XPR1: variants seen among roughly 807,000 people sequenced by gnomAD.
XPR1 encodes solute carrier family 53 member 1.
Under a neutral mutation model 87.5 loss-of-function variants are expected in XPR1, and 28 were observed. That is an observed-to-expected ratio of 0.32 (90% CI 0.24 to 0.44). The LOEUF (loss-of-function observed/expected upper bound fraction) is 0.44. Among genes scored for constraint, XPR1 ranks in the 20% least tolerant of loss-of-function variants. XPR1 has a pLI of 1.00. For synonymous variants in XPR1, 300 were observed against 306.1 expected (o/e 0.98, Z 0.21); for missense variants, 559 against 862.3 (o/e 0.65, Z 4.41).
At chr1:180,763,908 C>T (rs984065186) in intron 2 of XPR1, among the ~76,000 whole-genome samples, 7 of 152,184 alleles carry the variant, frequency 4.6e-5, no homozygotes, top group Non-Finnish European at 1.0e-4. Flanking sequence ...CACAATAACC[C>T]TTTAATCAAA....
intron 6 of XPR1, 90 bp from the exon 7 acceptor site, chr1:180,811,317 T>C: frequency 9.5e-7 from 1 of 1,049,362 alleles, no homozygotes; most frequent in Non-Finnish European, 1.4e-6. Flanking sequence ...ATGGTAGAAC[T>C]TTGAGACTCA....
intron 1 of XPR1, among the ~76,000 whole-genome samples, chr1:180,638,004 A>C (rs1654843823): frequency 6.6e-6 from 1 of 152,196 alleles, no homozygotes; most frequent in African/African-American, 2.4e-5. Context: ...ATGAATCCTG[A>C]ACTTTGAACT....
chr1:180,824,492 A>T (rs1164413963), intron 7 of XPR1, among the ~76,000 whole-genome samples: 3 of 152,106 alleles, frequency 2.0e-5, no homozygotes, highest in African/African-American at 7.2e-5. Flanking sequence ...GAGGCAGGAG[A>T]ATCGCTTGAA....
intron 2 of XPR1, among the ~76,000 whole-genome samples, chr1:180,710,907 G>A (rs1465704070): frequency 1.9e-4 from 29 of 151,684 alleles, no homozygotes; most frequent in Admixed American, 1.4e-3. Flanking sequence ...GGCGGCTGCC[G>A]GGCGGAGACG....
intron 4 of XPR1, 45 bp from the exon 5 acceptor site, chr1:180,806,017 G>C: frequency 6.3e-7 from 1 of 1,586,606 alleles, no homozygotes; most frequent in Non-Finnish European, 8.6e-7. Flanking sequence ...CATCATTTTT[G>C]ATGGTAGTAG....
chr1:180,659,135 C>T (rs1271460683), intron 1 of XPR1, among the ~76,000 whole-genome samples: 6 of 126,974 alleles, frequency 4.7e-5, no homozygotes, highest in African/African-American at 1.8e-4. Context: ...TCCCTCCCTC[C>T]CTCCTTTCCT....
chr1:180,858,603 C>CT (rs1340830321), intron 11 of XPR1, among the ~76,000 whole-genome samples: 1 of 152,162 alleles, frequency 6.6e-6, no homozygotes, highest in Admixed American at 6.5e-5. Flanking sequence ...CTATGAGTTC[C>CT]TTTTTTGTCT....
rs1308998510 is a variant in XPR1 at position 180,735,675 on chromosome 1, T to G, written c.122-52078T>G. Among the ~76,000 whole-genome samples, 8 of 152,342 alleles carry G rather than the reference T, an allele frequency of 5.3e-5. No individual in the cohort carries two copies. In the East Asian group the frequency reaches 1.5e-3, roughly 29 times the overall value. On this transcript the variant is annotated intron_variant, in intron 2 of 14. Coordinates refer to ENST00000367590, the MANE Select transcript of XPR1 (RefSeq NM_004736.4). Reference sequence around the variant, plus strand: ...AATGCTTTTAACAAATCGGAAGCACTACAGTTTGTAAAACAGACTTCTAAA... The same window carrying G: ...AATGCTTTTAACAAATCGGAAGCACGACAGTTTGTAAAACAGACTTCTAAA...
chr1:180,836,259 G>A (rs1651287453), intron 10 of XPR1, among the ~76,000 whole-genome samples: 1 of 151,994 alleles, frequency 6.6e-6, no homozygotes, highest in Non-Finnish European at 1.5e-5. Context: ...TCAAAAGGCT[G>A]AGATGAGAGA....
chr1:180,836,468 G>A (rs1374521193), intron 10 of XPR1, 54 bp from the exon 11 acceptor site: 2 of 1,602,566 alleles, frequency 1.2e-6, no homozygotes, highest in South Asian at 1.1e-5. Flanking sequence ...GCTAAATGAT[G>A]TGAACAAGTT....
chr1:180,805,924 G>A, intron 4 of XPR1, 138 bp from the exon 5 acceptor site: 1 of 847,758 alleles, frequency 1.2e-6, no homozygotes, highest in Non-Finnish European at 1.8e-6. Context: ...AGTAGTAGAT[G>A]CTTTTATGAA....
In XPR1 at chr1:180,776,108, T is replaced by C. The variant is rs571600500; in HGVS notation, c.122-11645T>C. Among the ~76,000 whole-genome samples the C allele has an allele frequency of 4.4e-3, 676 of 152,258 alleles. 6 individuals carry two copies. The highest frequency in any genetic ancestry group is 0.015 in the African/African-American group (617 of 41,574). On this transcript the variant is annotated intron_variant, in intron 2 of 14. Transcript: ENST00000367590. ...GGTATTAAGAAAGTGAGTAACAGGGTAACAAATCCTTTGCAAGTCCAGTTT... is the reference window on the plus strand; with the variant it reads ...GGTATTAAGAAAGTGAGTAACAGGGCAACAAATCCTTTGCAAGTCCAGTTT...
intron 2 of XPR1, among the ~76,000 whole-genome samples, chr1:180,737,297 T>C (rs1196910886): frequency 1.3e-5 from 2 of 152,200 alleles, no homozygotes; most frequent in African/African-American, 4.8e-5. Context: ...GGAGTTATCA[T>C]TGAAATACCT....
chr1:180,732,192 CAAAAAAAA>C (rs5779071), intron 2 of XPR1, among the ~76,000 whole-genome samples: 1 of 107,792 alleles, frequency 9.3e-6, no homozygotes, highest in Admixed American at 9.3e-5. Flanking sequence ...GACTCCATCT[CAAAAAAAA>C]AAAAAAAAAA....
chr1:180,695,014 C>T (rs544988073), intron 2 of XPR1, among the ~76,000 whole-genome samples: 72 of 152,222 alleles, frequency 4.7e-4, no homozygotes, highest in Non-Finnish European at 9.3e-4. Context: ...TTCCCACCAA[C>T]AGTGAATAAG....
At chr1:180,759,865 A>G (rs12058670) in intron 2 of XPR1, among the ~76,000 whole-genome samples, 1,789 of 152,332 alleles carry the variant, frequency 0.012, 27 homozygotes, top group African/African-American at 0.041. Flanking sequence ...AAAATCCTCA[A>G]TAAAATACTG....
chr1:180,649,414 G>T (rs976932476), intron 1 of XPR1, among the ~76,000 whole-genome samples: 3 of 152,108 alleles, frequency 2.0e-5, no homozygotes, highest in African/African-American at 7.2e-5. Flanking sequence ...CTGGGTGACA[G>T]AGTGAGACTC....
chr1:180,849,315 AT>A (rs1235339375), intron 11 of XPR1, among the ~76,000 whole-genome samples: 1 of 152,236 alleles, frequency 6.6e-6, no homozygotes, highest in African/African-American at 2.4e-5. Flanking sequence ...CAAAACCAGA[AT>A]TTTGACTCTA....
At position 180,811,491 on chromosome 1, in the gene XPR1, A is replaced by G. The variant is rs368249144; in HGVS notation, c.763+3A>G. ...GAATATTACCCTTGTGCTTGCCGGT[A>G]AGTAGTTTAAATTTTGAATTAATTT... On this transcript the variant is annotated splice_donor_region_variant and intron_variant, in intron 7 of 14. Coordinates refer to ENST00000367590, the MANE Select transcript of XPR1 (RefSeq NM_004736.4). 6.2e-7 allele frequency: 1 copy of G among 1,607,960 alleles called. No individual in the cohort carries two copies. Among genetic ancestry groups the G allele is most frequent in the African/African-American group, 1.3e-5 (1 of 74,780 alleles).
Sources: gnomAD v4.1 joint callset for allele counts (sites outside exome capture counted in the v4.1 genomes callset) on GRCh38, gnomAD v4.1.1 for gene constraint, MANE v1.5 for transcripts, NCBI Gene and HGNC (gene_info 2026-07-23, HGNC 2026-07-21) for gene names.